The following HS2ST1 variants were observed in gnomAD, a reference collection of about 807,000 sequenced individuals.
The protein encoded by HS2ST1 is heparan sulfate 2-O-sulfotransferase 1, also known as 2-O-sulfotransferase.
A neutral mutation model predicts 42.9 loss-of-function variants in HS2ST1; 18 were observed. The observed-to-expected ratio is 0.42, with a 90% CI of 0.29 to 0.62. HS2ST1 has a LOEUF of 0.62. HS2ST1 is among the 20% of genes least tolerant of loss of function. HS2ST1 has a pLI of 0.21. For missense variants in HS2ST1, 334 were observed against 433.8 expected (o/e 0.77, Z 2.04); for synonymous variants, 146 against 152.9 (o/e 0.95, Z 0.33).
intron 1 of HS2ST1, among the ~76,000 whole-genome samples, chr1:86,990,836 A>ATATATATT (rs1289652447): frequency 2.3e-5 from 1 of 44,232 alleles, no homozygotes; most frequent in Non-Finnish European, 3.9e-5. Context: ...ATATATATAT[A>ATATATATT]TTTTTTTTTT....
intron 1 of HS2ST1, among the ~76,000 whole-genome samples, chr1:87,035,345 A>G (rs1407393084): frequency 6.6e-6 from 1 of 152,188 alleles, no homozygotes; most frequent in Non-Finnish European, 1.5e-5. Flanking sequence ...ATTCTTTTAA[A>G]TATATCTTTC....
At position 87,058,457 on chromosome 1, in the gene HS2ST1, T is replaced by G. The variant is rs530523336; in HGVS notation, c.125-14477T>G. On this transcript the variant is annotated intron_variant, in intron 1 of 6. Transcript: ENST00000370550. ...TAAGTGCACTGTTTTGTTTTGTTTT[T>G]TTTTAAGTTTTTTATGTGGCATGAT... Among the ~76,000 whole-genome samples the G allele has an allele frequency of 4.0e-4, 60 of 151,820 alleles. 1 individual carries two copies. The highest frequency in any genetic ancestry group is 2.1e-3 in the South Asian group (10 of 4,830).
At chr1:87,046,221 G>A (rs1269149755) in intron 1 of HS2ST1, 3 of 877,646 alleles carry the variant, frequency 3.4e-6, no homozygotes. Flanking sequence ...TGGGTATCTT[G>A]GACAAGTAAC....
At chr1:87,057,113 T>C (rs1650990225) in intron 1 of HS2ST1, among the ~76,000 whole-genome samples, 1 of 152,232 alleles carries the variant, frequency 6.6e-6, no homozygotes. Context: ...CAAAAATATG[T>C]TACACTAAAT....
intron 1 of HS2ST1, among the ~76,000 whole-genome samples, chr1:87,037,025 C>A (rs1035843454): frequency 1.3e-5 from 2 of 151,984 alleles, no homozygotes; most frequent in African/African-American, 2.4e-5. Context: ...TGCTAGGGTT[C>A]TTTTTCCTGT....
intron 4 of HS2ST1, among the ~76,000 whole-genome samples, chr1:87,093,175 C>G (rs1235711778): frequency 6.6e-6 from 1 of 151,980 alleles, no homozygotes; most frequent in Non-Finnish European, 1.5e-5. Context: ...TCTAAGAAAT[C>G]AAACTGATTT....
rs191362324 is a variant in HS2ST1 at position 86,967,716 on chromosome 1, T to G, written c.124+52556T>G. Reference sequence around the variant, plus strand: ...CTCATTGGTCATTGGGCACTTAGGTTGGTTCCATACCTTTGCAGTTGTGAA... The same window carrying G: ...CTCATTGGTCATTGGGCACTTAGGTGGGTTCCATACCTTTGCAGTTGTGAA... On this transcript the variant is annotated intron_variant, in intron 1 of 6. Transcript: ENST00000370550. Among the ~76,000 whole-genome samples the G allele has an allele frequency of 1.2e-3, 181 of 152,338 alleles. 1 individual carries two copies. Among genetic ancestry groups the G allele is most frequent in the African/African-American group, 4.2e-3 (175 of 41,580 alleles).
chr1:86,971,922 T>C (rs1226223042), intron 1 of HS2ST1, among the ~76,000 whole-genome samples: 1 of 152,204 alleles, frequency 6.6e-6, no homozygotes, highest in Non-Finnish European at 1.5e-5. Context: ...TTGAACTAGC[T>C]CTTTCAATAG....
At chr1:87,098,039 A>G (rs1652111582) in intron 5 of HS2ST1, 104 bp downstream of exon 5, 26 of 1,529,544 alleles carry the variant, frequency 1.7e-5, no homozygotes, top group Non-Finnish European at 2.3e-5. Flanking sequence ...GTGAAAGACT[A>G]GACTAAAAAT....
intron 2 of HS2ST1, among the ~76,000 whole-genome samples, chr1:87,076,517 TAAA>T (rs1345643117): frequency 6.6e-6 from 1 of 152,032 alleles, no homozygotes; most frequent in Non-Finnish European, 1.5e-5. Context: ...TTTTTTTAAA[TAAA>T]AAAGTTGAAA....
chr1:86,920,021 C>A (rs1213117933), intron 1 of HS2ST1, among the ~76,000 whole-genome samples: 3 of 152,184 alleles, frequency 2.0e-5, no homozygotes, highest in Non-Finnish European at 4.4e-5. Flanking sequence ...CAAGAGCGCA[C>A]TTGTTGCTAA....
intron 1 of HS2ST1, among the ~76,000 whole-genome samples, chr1:87,060,964 C>A (rs778875789): frequency 1.3e-4 from 19 of 151,900 alleles, no homozygotes; most frequent in Non-Finnish European, 2.1e-4. Flanking sequence ...TTAGTGAGAA[C>A]CTTATCACAG....
chr1:87,021,538 A>G (rs1649951936), intron 1 of HS2ST1, among the ~76,000 whole-genome samples: 1 of 152,146 alleles, frequency 6.6e-6, no homozygotes, highest in East Asian at 1.9e-4. Context: ...ATTTTGAGAC[A>G]AGATTTCACT....
chr1:86,969,136 A>G (rs923416657), intron 1 of HS2ST1, among the ~76,000 whole-genome samples: 1 of 152,238 alleles, frequency 6.6e-6, no homozygotes, highest in Non-Finnish European at 1.5e-5. Flanking sequence ...CTTTACCTAC[A>G]GAGGTTTTCA....
chr1:86,976,722 T>TATATATATATATATATATA (rs1415785639), intron 1 of HS2ST1, among the ~76,000 whole-genome samples: 2 of 21,892 alleles, frequency 9.1e-5, no homozygotes, highest in African/African-American at 1.8e-4. Flanking sequence ...ATATATATAT[T>TATATATATATATATATATA]TTAAATGCCC....
chr1:87,054,149 A>G (rs1650901861), intron 1 of HS2ST1, among the ~76,000 whole-genome samples: 3 of 152,170 alleles, frequency 2.0e-5, no homozygotes, highest in Non-Finnish European at 4.4e-5. Context: ...ATACATATGG[A>G]ATCAGAGTTA....
chr1:87,074,984 CAT>C (rs1651500850), intron 2 of HS2ST1, among the ~76,000 whole-genome samples: 1 of 151,896 alleles, frequency 6.6e-6, no homozygotes, highest in South Asian at 2.1e-4. Flanking sequence ...TTTTGTGTGA[CAT>C]GTTTTCATGT....
intron 1 of HS2ST1, among the ~76,000 whole-genome samples, chr1:86,946,317 GTCT>G (rs1647335902): frequency 6.6e-6 from 1 of 152,174 alleles, no homozygotes; most frequent in Admixed American, 6.5e-5. Context: ...GTCCAGTGAA[GTCT>G]TCTTGCTGTA....
intron 1 of HS2ST1, among the ~76,000 whole-genome samples, chr1:86,985,131 G>A (rs1288933058): frequency 4.6e-5 from 7 of 150,672 alleles, no homozygotes; most frequent in African/African-American, 1.5e-4. Context: ...TGAGGTGGGC[G>A]GATCACGAGG....
Sources: allele counts gnomAD v4.1 joint callset (sites outside exome capture counted in the v4.1 genomes callset), GRCh38; gene constraint gnomAD v4.1.1; transcripts MANE v1.5; gene names NCBI Gene and HGNC (gene_info 2026-07-23, HGNC 2026-07-21).